Variants in WDR72 observed in about 807,000 individuals in gnomAD.
WDR72 encodes WD repeat domain 72.
WDR72 carries 120 observed loss-of-function variants against 124.2 expected under a neutral mutation model. The ratio of observed to expected loss-of-function variants is 0.97; its 90% CI spans 0.83 to 1.12. WDR72 has a LOEUF of 1.12. Ranked by LOEUF, WDR72 falls within the 50% of genes most tolerant of loss-of-function variation. The pLI is 0.00. For missense variants in WDR72, 1,387 were observed against 1,278.8 expected, an observed-to-expected ratio of 1.08 and a Z score of -1.29; for synonymous variants, 452 against 441.7, an observed-to-expected ratio of 1.02 and a Z score of -0.29.
intron 1 of WDR72, among the ~76,000 whole-genome samples, chr15:53,736,010 C>T (rs1179557406): frequency 1.3e-5 from 2 of 151,410 alleles, no homozygotes; most frequent in Non-Finnish European, 2.9e-5. Context: ...AACTTGAATA[C>T]AATTTTCAGG....
At chr15:53,603,510 T>C (rs1215250668) in intron 17 of WDR72, among the ~76,000 whole-genome samples, 1 of 151,880 alleles carries the variant, frequency 6.6e-6, no homozygotes, top group Non-Finnish European at 1.5e-5. Flanking sequence ...GGGAAATCAA[T>C]AAAGGTCATT....
chr15:53,548,112 C>T (rs1893564355), intron 18 of WDR72, among the ~76,000 whole-genome samples: 1 of 152,148 alleles, frequency 6.6e-6, no homozygotes, highest in Non-Finnish European at 1.5e-5. Flanking sequence ...AGTATAAAAT[C>T]TATCATAAAG....
rs766316332 is a variant in WDR72, at chr15:53,702,342, T to C, written c.1361A>G (p.His454Arg). ...GGSLVKDSPPHKVLKGHHQSV... is the reference protein window; with the variant it reads ...GGSLVKDSPPRKVLKGHHQSV... The stretch of plus-strand genomic sequence containing the variant: ...TTGGTGGTGGCCTTTAAGAACTTTA[T>C]GAGGGGGAGAATCTGAAAAACAATG... Residue 454 changes from histidine (H) to arginine (R), a missense_variant, in exon 12 of 20, where the codon CAT becomes CGT. By Grantham distance (29) the His-to-Arg change is conservative. Transcript: ENST00000360509. 1 of 1,612,908 alleles carries C rather than the reference T, an allele frequency of 6.2e-7. No individual in the cohort carries two copies. The highest frequency in any genetic ancestry group is 1.3e-5 in the African/African-American group (1 of 74,914).
intron 18 of WDR72, among the ~76,000 whole-genome samples, chr15:53,541,572 A>G (rs979129893): frequency 2.0e-5 from 3 of 151,938 alleles, no homozygotes; most frequent in Non-Finnish European, 2.9e-5. Context: ...TGGATACTCT[A>G]AAACGCAGAG....
chr15:53,752,468 G>A (rs528693316), intron 1 of WDR72, among the ~76,000 whole-genome samples: 2 of 152,306 alleles, frequency 1.3e-5, no homozygotes, highest in African/African-American at 4.8e-5. Flanking sequence ...GGTGAAGGCA[G>A]ACGTTGGGGT....
intron 13 of WDR72, among the ~76,000 whole-genome samples, chr15:53,695,937 C>A (rs2016990540): frequency 6.6e-6 from 1 of 152,150 alleles, no homozygotes; most frequent in Non-Finnish European, 1.5e-5. Context: ...GGCACAGGGA[C>A]TTATGCTATA....
intron 14 of WDR72, among the ~76,000 whole-genome samples, chr15:53,632,336 G>T (rs892652195): frequency 2.0e-5 from 3 of 152,110 alleles, no homozygotes; most frequent in African/African-American, 7.2e-5. Flanking sequence ...TAAGCCTGAA[G>T]ATGTGCAGAA....
At chr15:53,562,960 C>T (rs536425383) in intron 18 of WDR72, among the ~76,000 whole-genome samples, 6 of 151,724 alleles carry the variant, frequency 4.0e-5, no homozygotes, top group Admixed American at 1.3e-4. Flanking sequence ...TTTAATTATT[C>T]GATGAAATGT....
chr15:53,538,932 C>T (rs1025344649), intron 18 of WDR72, among the ~76,000 whole-genome samples: 1 of 151,966 alleles, frequency 6.6e-6, no homozygotes, highest in African/African-American at 2.4e-5. Flanking sequence ...CTCCATGAAA[C>T]TCATTAATTT....
At chr15:53,745,570 G>A (rs2018623216) in intron 1 of WDR72, among the ~76,000 whole-genome samples, 1 of 152,158 alleles carries the variant, frequency 6.6e-6, no homozygotes, top group African/African-American at 2.4e-5. Context: ...GTGAATTTCA[G>A]ATGAACAACA....
intron 14 of WDR72, among the ~76,000 whole-genome samples, chr15:53,650,251 C>A (rs149157831): frequency 6.6e-6 from 1 of 152,156 alleles, no homozygotes; most frequent in African/African-American, 2.4e-5. Context: ...TTCATAGAAT[C>A]GAAGAGTGGA....
At chr15:53,665,482 G>A (rs554791414) in intron 14 of WDR72, 90 bp downstream of exon 14, 1 of 1,425,490 alleles carries the variant, frequency 7.0e-7, no homozygotes, top group African/African-American at 1.4e-5. Context: ...TTTTCATGCT[G>A]ATACTTAAGT....
At chr15:53,569,679 G>A (rs571493504) in intron 18 of WDR72, among the ~76,000 whole-genome samples, 1 of 152,166 alleles carries the variant, frequency 6.6e-6, no homozygotes, top group South Asian at 2.1e-4. Flanking sequence ...CTTTAAAGAG[G>A]TATAGTTGCT....
rs1213675153 is a variant in WDR72, at chr15:53,702,224, C to T, written c.1479G>A (p.Leu493=). ...AAATTTCTTCAGTAAAGATATCCCA[C>T]AAGATCACACATGAGTCCAGGTCCC... ...LSGDLDSCVI[L]WDIFTEEILH... Residue 493 remains leucine, a synonymous_variant, in exon 12 of 20, where the codon TTG becomes TTA. Transcript: ENST00000360509. 1.9e-6 allele frequency: 3 copies of T among 1,614,124 alleles called. No homozygotes were observed. The highest frequency in any genetic ancestry group is 2.2e-5 in the East Asian group (1 of 44,866).
At chr15:53,573,755 A>G (rs1405921830) in intron 18 of WDR72, among the ~76,000 whole-genome samples, 1 of 152,234 alleles carries the variant, frequency 6.6e-6, no homozygotes, top group African/African-American at 2.4e-5. Flanking sequence ...CATGTTGGCC[A>G]GGCTGGTCTT....
At chr15:53,655,644 A>C (rs1476599896) in intron 14 of WDR72, among the ~76,000 whole-genome samples, 1 of 152,188 alleles carries the variant, frequency 6.6e-6, no homozygotes, top group African/African-American at 2.4e-5. Flanking sequence ...TATAACGACA[A>C]GAGACCTCTA....
At chr15:53,660,628 A>G (rs2015577751) in intron 14 of WDR72, among the ~76,000 whole-genome samples, 1 of 152,212 alleles carries the variant, frequency 6.6e-6, no homozygotes, top group South Asian at 2.1e-4. Context: ...ACTAAAATGT[A>G]AATAATGCAG....
chr15:53,519,334 T>C (rs1263830072), intron 19 of WDR72, among the ~76,000 whole-genome samples: 1 of 152,072 alleles, frequency 6.6e-6, no homozygotes, highest in Non-Finnish European at 1.5e-5. Flanking sequence ...ATCTTTCAGA[T>C]TCAGAAGCAA....
intron 1 of WDR72, among the ~76,000 whole-genome samples, chr15:53,746,886 G>C (rs2018656678): frequency 6.6e-6 from 1 of 152,184 alleles, no homozygotes; most frequent in South Asian, 2.1e-4. Flanking sequence ...CAAATGGATA[G>C]ATAGGACAGC....
Sources: gnomAD v4.1 joint callset for allele counts (sites outside exome capture counted in the v4.1 genomes callset) on GRCh38, gnomAD v4.1.1 for gene constraint, MANE v1.5 for transcripts, NCBI Gene and HGNC (gene_info 2026-07-23, HGNC 2026-07-21) for gene names.